MCAT: variants seen among roughly 807,000 people sequenced by gnomAD.
MCAT encodes the protein malonyl-CoA-acyl carrier protein transacylase.
MCAT carries 22 observed loss-of-function variants against 22.9 expected under a neutral mutation model. The ratio of observed to expected loss-of-function variants is 0.96; its 90% confidence interval spans 0.69 to 1.37. The LOEUF is 1.37. Ranked by LOEUF, MCAT falls within the 40% of genes most tolerant of loss-of-function variation. MCAT has a pLI of 0.00. For missense variants in MCAT, 534 were observed against 533.6 expected (o/e 1.00, Z -0.01); for synonymous variants, 240 against 233.9 (o/e 1.03, Z -0.24).
rs1930505303 is a variant in MCAT at position 43,133,274 on chromosome 22, C to T, written c.942G>A (p.Lys314=). 3.1e-6 allele frequency: 5 copies of T among 1,614,204 alleles called. No homozygotes were observed. Among genetic ancestry groups the T allele is most frequent in the Non-Finnish European group, 4.2e-6 (5 of 1,180,030 alleles). The change falls in exon 4 of 4, where the codon AAG becomes AAA. Residue 314 remains lysine, a synonymous_variant. Transcript: ENST00000290429. ...HRYRHPGHIH[K]LLAQQLVSPV... ...GGGAGACCAGCTGCTGGGCCAGCAG[C>T]TTGTGGATGTGCCCGGGATGCCTGT...
In MCAT at chr22:43,132,232, T is replaced by C. The variant is rs1270234282; in HGVS notation, c.*811A>G. 3 of 152,236 alleles carry C rather than the reference T, an allele frequency of 2.0e-5. No homozygotes were observed. The highest frequency in any genetic ancestry group is 1.3e-4 in the Admixed American group (2 of 15,278). The allele number at this position is 152,236 out of a possible 1,614,324, so 9.4% of individuals were successfully genotyped here. A position where few individuals can be genotyped will look rare whatever the true frequency, so the allele number is the denominator to read the frequency against. Reference sequence around the variant, plus strand: ...GCTTGGAATGTCTCATACTTAATATTGGCGCAGGAGCTGCTCTGAGGACGG... The same window carrying C: ...GCTTGGAATGTCTCATACTTAATATCGGCGCAGGAGCTGCTCTGAGGACGG... On this transcript the variant is annotated 3_prime_UTR_variant, in exon 4 of 4. Transcript: ENST00000290429.
chr22:43,141,800 G>A (rs1282398391), intron 1 of MCAT, among the ~76,000 whole-genome samples: 3 of 152,284 alleles, frequency 2.0e-5, no homozygotes, highest in African/African-American at 7.2e-5. Flanking sequence ...TTGAACTCCT[G>A]ACCTCGTGAT....
intron 3 of MCAT, among the ~76,000 whole-genome samples, chr22:43,135,516 A>AC (rs972587583): frequency 2.1e-4 from 31 of 150,626 alleles, no homozygotes; most frequent in African/African-American, 6.2e-4. Flanking sequence ...AAAACAAAAA[A>AC]AAAAAAAAAA....
At chr22:43,136,227 CA>C (rs1174168577) in intron 3 of MCAT, among the ~76,000 whole-genome samples, 2 of 152,328 alleles carry the variant, frequency 1.3e-5, no homozygotes, top group East Asian at 1.9e-4. Flanking sequence ...CTAGGCAACA[CA>C]GTGAGACCCT....
rs1356802848 is a variant in MCAT at position 43,142,796 on chromosome 22, C to CAAAACAA, written c.423+129_423+130insTTGTTTT. 377 of 901,018 alleles carry CAAAACAA rather than the reference C, an allele frequency of 4.2e-4. 3 individuals are homozygous for CAAAACAA. The African/African-American group carries it at 6.7e-3, about 16-fold the overall frequency. The allele number at this position is 901,018 out of a possible 1,614,324, so 55.8% of individuals were successfully genotyped here. On this transcript the variant is annotated intron_variant, in intron 1 of 3. Transcript: ENST00000290429. ...TCTCAAAAAAAAAAACAAAAACAAA[C>CAAAACAA]AAAAAAAAAAACTCGATCGAATGAG...
rs1930759838 is a variant in MCAT at position 43,141,235 on chromosome 22, A to ACCTGTGGGGACAGATG, written c.437_438insCATCTGTCCCCACAGG (p.Val147IlefsTer29). 1 of 1,613,962 alleles carries ACCTGTGGGGACAGATG rather than the reference A, an allele frequency of 6.2e-7. No homozygotes were observed. Among genetic ancestry groups the ACCTGTGGGGACAGATG allele is most frequent in the East Asian group, 2.2e-5 (1 of 44,900 alleles). ...CCACACTGAATCCAGCAGCAGCAAC[A>ACCTGTGGGGACAGATG]CAGTTCTCAATCACCTGTGGGGACA... On this transcript the variant is annotated frameshift_variant, in exon 2 of 4. Coordinates refer to ENST00000290429, the MANE Select transcript of MCAT (RefSeq NM_173467.5). LOFTEE classifies it high-confidence loss of function.
Position 43,133,178 on chromosome 22 carries a change from G to C in MCAT, c.1038C>G (p.Phe346Leu). ...RKKGRGFPQT[F>L]EVGPGRQLGA... ...CCAGCTGCCTGCCAGGGCCTACTTC[G>C]AAAGTTTGGGGGAACCCCCTGCCCT... The change falls in exon 4 of 4, where the codon TTC becomes TTG. Residue 346 changes from phenylalanine (F) to leucine (L), a missense_variant. By Grantham distance (22) the Phe-to-Leu change is conservative (BLOSUM62 0). Transcript: ENST00000290429. The C allele has an allele frequency of 6.2e-7, 1 of 1,614,192 alleles. No individual in the cohort carries two copies. Among genetic ancestry groups the C allele is most frequent in the Non-Finnish European group, 8.5e-7 (1 of 1,180,028 alleles).
chr22:43,141,157 T>C lies in MCAT; in HGVS notation c.511+5A>G. 3 of 1,614,000 alleles carry C rather than the reference T, an allele frequency of 1.9e-6. No homozygotes were observed. The highest frequency in any genetic ancestry group is 2.5e-6 in the Non-Finnish European group (3 of 1,179,924). On this transcript the variant is annotated splice_donor_5th_base_variant and intron_variant, in intron 2 of 3. Coordinates refer to ENST00000290429, the MANE Select transcript of MCAT (RefSeq NM_173467.5). The stretch of plus-strand genomic sequence containing the variant: ...CCTTGCATAAAACCAAACTCCTTCC[T>C]GTACCTTCAGCAAATTCCATGGCTC...
intron 3 of MCAT, among the ~76,000 whole-genome samples, chr22:43,133,953 C>T (rs888085843): frequency 2.6e-5 from 4 of 151,674 alleles, no homozygotes; most frequent in Non-Finnish European, 4.4e-5. Context: ...CTACAGGCGC[C>T]CGCCACCACG....
intron 2 of MCAT, among the ~76,000 whole-genome samples, chr22:43,138,307 A>G (rs945840721): frequency 1.3e-5 from 2 of 152,242 alleles, no homozygotes; most frequent in African/African-American, 2.4e-5. Flanking sequence ...CATAATTGTC[A>G]TAAGTCAAGT....
intron 2 of MCAT, chr22:43,140,954 G>A (rs1930750380): frequency 1.7e-6 from 1 of 579,964 alleles, no homozygotes; most frequent in South Asian, 2.1e-5. Context: ...GATTTCATGA[G>A]ATTACAAAAA....
At position 43,142,911 on chromosome 22, in the gene MCAT, G is replaced by A. The variant is rs1316211941; in HGVS notation, c.423+15C>T. On this transcript the variant is annotated intron_variant, in intron 1 of 3. Transcript: ENST00000290429. ...GCTCACCTTCCCCCTCCTGTCACGG[G>A]GCCTCGGGCCTCACCGAGGGCTGCA... The A allele has an allele frequency of 2.0e-6, 3 of 1,511,830 alleles. No individual in the cohort carries two copies. The highest frequency in any genetic ancestry group is 1.3e-5 in the South Asian group (1 of 77,704). 93.7% of individuals were successfully genotyped at this position (1,511,830 alleles called of 1,614,324 possible).
intron 1 of MCAT, among the ~76,000 whole-genome samples, chr22:43,142,648 T>C (rs1930801501): frequency 6.6e-6 from 1 of 151,562 alleles, no homozygotes; most frequent in Non-Finnish European, 1.5e-5. Context: ...TAGCCGGGCA[T>C]GGTGGCGGGC....
At chr22:43,135,503 C>CAAAA (rs1270132344) in intron 3 of MCAT, among the ~76,000 whole-genome samples, 131 of 33,078 alleles carry the variant, frequency 4.0e-3, no homozygotes, top group African/African-American at 0.012. Flanking sequence ...GACATTGTCT[C>CAAAA]AAAAAACAAA....
chr22:43,141,424 C>T (rs1930765838), intron 1 of MCAT, among the ~76,000 whole-genome samples, 175 bp from the exon 2 acceptor site: 1 of 152,164 alleles, frequency 6.6e-6, no homozygotes, highest in African/African-American at 2.4e-5. Flanking sequence ...TTGAGTCCTG[C>T]CCCTTTATTT....
intron 2 of MCAT, chr22:43,140,729 G>A (rs1466508044): frequency 6.1e-6 from 1 of 164,242 alleles, no homozygotes; most frequent in Non-Finnish European, 1.3e-5. Flanking sequence ...GGCCTCAAGT[G>A]GTCCTCCTGC....
chr22:43,143,292 G>A lies in MCAT; in HGVS notation c.57C>T (p.Arg19=). Residue 19 remains arginine, a synonymous_variant, in exon 1 of 4, where the codon CGC becomes CGT. Transcript: ENST00000290429. ...AWVRGLGASY[R]RGASSFPVPP... is the part of the protein sequence containing the mutation. ...GCACCGGGAAGCTCGAGGCGCCGCG[G>A]CGGTAGCTGGCGCCCAAGCCCCTGA... is the stretch of plus-strand genomic sequence containing the variant. 1 of 1,429,886 alleles carries A rather than the reference G, an allele frequency of 7.0e-7. No individual in the cohort carries two copies. The highest frequency in any genetic ancestry group is 9.1e-7 in the Non-Finnish European group (1 of 1,103,442). 88.6% of individuals were successfully genotyped at this position (1,429,886 alleles called of 1,614,324 possible).
Position 43,132,971 on chromosome 22 carries a change from G to C in MCAT, c.*72C>G, listed in dbSNP as rs983040505. On this transcript the variant is annotated 3_prime_UTR_variant, in exon 4 of 4. Coordinates refer to ENST00000290429, the MANE Select transcript of MCAT (RefSeq NM_173467.5). The stretch of plus-strand genomic sequence containing the variant: ...AGAGGAGGAGCCATTAGGAAGGTAG[G>C]GGGCGACAGGCACAGCCTACAGCCT... The C allele has an allele frequency of 2.1e-6, 3 of 1,426,956 alleles. No individual in the cohort carries two copies. In the African/African-American group the frequency reaches 4.3e-5, roughly 20 times the overall value. 88.4% of individuals were successfully genotyped at this position (1,426,956 alleles called of 1,614,324 possible).
At position 43,143,035 on chromosome 22, in the gene MCAT, A is replaced by G; in HGVS notation, c.314T>C (p.Leu105Pro). The change falls in exon 1 of 4, where the codon CTG becomes CCG. Residue 105 changes from leucine (L) to proline (P), a missense_variant. Coordinates refer to ENST00000290429, the MANE Select transcript of MCAT (RefSeq NM_173467.5). ...RRVLGYDLLE[L>P]SLHGPQETLD... is the part of the protein sequence containing the mutation. ...GGTCTCCTGCGGCCCGTGCAGGCTC[A>G]GTTCCAGCAGGTCGTAGCCCAGCAC... 6.2e-7 allele frequency: 1 copy of G among 1,610,438 alleles called. No homozygotes were observed. The highest frequency in any genetic ancestry group is 8.5e-7 in the Non-Finnish European group (1 of 1,179,056).
Sources: gnomAD v4.1 joint callset for allele counts (sites outside exome capture counted in the v4.1 genomes callset) on GRCh38, gnomAD v4.1.1 for gene constraint, MANE v1.5 for transcripts, NCBI Gene and HGNC (gene_info 2026-07-23, HGNC 2026-07-21) for gene names.